Variants in TMEM71 observed in about 807,000 individuals in gnomAD.
The protein encoded by TMEM71 is transmembrane protein 71.
Under a neutral mutation model 38.0 loss-of-function variants are expected in TMEM71, and 44 were observed. The ratio of observed to expected loss-of-function variants is 1.16; its 90% CI spans 0.91 to 1.49. The LOEUF (loss-of-function observed/expected upper bound fraction) is 1.49. Ranked by LOEUF, TMEM71 falls within the 40% of genes most tolerant of loss-of-function variation. The pLI, the probability that TMEM71 is intolerant of heterozygous loss-of-function variation, is 0.00. For synonymous variants in TMEM71, 133 were observed against 122.5 expected, an observed-to-expected ratio of 1.09 and a Z score of -0.56; for missense variants, 367 against 348.6, an observed-to-expected ratio of 1.05 and a Z score of -0.42.
Position 132,752,001 on chromosome 8 carries a change from A to C in TMEM71, c.102-4T>G, listed in dbSNP as rs373196413. On this transcript the variant is annotated splice_polypyrimidine_tract_variant and splice_region_variant and intron_variant, in intron 3 of 9. Coordinates refer to ENST00000677595, the MANE Select transcript of TMEM71 (RefSeq NM_001382403.1). ...ATCCAGGGAATCACAGGTGAAACTA[A>C]GAAGGAAAAGATAACGCACTTTAAA... 5.0e-6 allele frequency: 8 copies of C among 1,612,960 alleles called. No individual in the cohort carries two copies. Among genetic ancestry groups the C allele is most frequent in the Non-Finnish European group, 6.8e-6 (8 of 1,179,180 alleles).
At chr8:132,752,779 A>AAG (rs1419342737) in intron 3 of TMEM71, among the ~76,000 whole-genome samples, 1 of 147,552 alleles carries the variant, frequency 6.8e-6, no homozygotes, top group Non-Finnish European at 1.5e-5. Context: ...AGAAAAAAAA[A>AAG]AGGGAGAGAG....
Position 132,746,948 on chromosome 8 carries a change from C to T in TMEM71, c.481G>A (p.Gly161Arg). 6.3e-7 allele frequency: 1 copy of T among 1,586,782 alleles called. No homozygotes were observed. Among genetic ancestry groups the T allele is most frequent in the Non-Finnish European group, 8.5e-7 (1 of 1,170,172 alleles). Residue 161 changes from glycine (G) to arginine (R), a missense_variant, in exon 5 of 10, where the codon GGA becomes AGA. Coordinates refer to ENST00000677595, the MANE Select transcript of TMEM71 (RefSeq NM_001382403.1). ...AAGGAGGACTCAAACTCACCATTTC[C>T]ATTGCAATGGTCTGTGTCCAACCTC... is the stretch of plus-strand genomic sequence containing the variant. ...TRRLDTDHCN[G>R]NADDLDCSSL...
At position 132,749,488 on chromosome 8, in the gene TMEM71, C is replaced by A. The variant is rs150600836; in HGVS notation, c.314+2297G>T. Reference sequence around the variant, plus strand: ...TAAGGTCTCCCCAGTGCAATGTGAGCAGAAGTGATCTGTACCATTTACGGG... The same window carrying A: ...TAAGGTCTCCCCAGTGCAATGTGAGAAGAAGTGATCTGTACCATTTACGGG... On this transcript the variant is annotated intron_variant, in intron 4 of 9. Transcript: ENST00000677595. Among the ~76,000 whole-genome samples, 74 of 152,308 alleles carry A rather than the reference C, an allele frequency of 4.9e-4. 1 individual carries two copies. The East Asian group carries it at 0.013, about 28-fold the overall frequency.
chr8:132,763,749 A>G (rs1464425641), upstream of TMEM71, among the ~76,000 whole-genome samples: 2 of 152,228 alleles, frequency 1.3e-5, no homozygotes, highest in Non-Finnish European at 2.9e-5. Flanking sequence ...CATGTGTTGC[A>G]AATGAATCAC....
intron 5 of TMEM71, among the ~76,000 whole-genome samples, chr8:132,731,530 C>T (rs564510093): frequency 3.3e-5 from 5 of 152,292 alleles, no homozygotes; most frequent in South Asian, 4.1e-4. Flanking sequence ...TTACTTGCCC[C>T]GACTTCACCA....
At chr8:132,711,280 C>T (rs370418750) in intron 9 of TMEM71, among the ~76,000 whole-genome samples, 23 of 152,284 alleles carry the variant, frequency 1.5e-4, no homozygotes, top group African/African-American at 5.1e-4. Flanking sequence ...GTTTCCTCTT[C>T]CCACCTGCCC....
At chr8:132,775,730 C>T in the TMEM71 span, 1 of 294,286 alleles carries the variant, frequency 3.4e-6, no homozygotes, top group African/African-American at 2.2e-5. Context: ...GTCTCTCTTT[C>T]CGGCCCGCTC....
At chr8:132,722,209 C>CA (rs34385955) in intron 6 of TMEM71, 94 bp from the exon 7 acceptor site, 58,776 of 613,690 alleles carry the variant, frequency 0.096, 344 homozygotes, top group African/African-American at 0.13. Flanking sequence ...TTGTACCCAC[C>CA]AAAAAAAAAA....
chr8:132,736,429 T>A (rs1827749053), intron 5 of TMEM71, among the ~76,000 whole-genome samples: 1 of 152,020 alleles, frequency 6.6e-6, no homozygotes, highest in Non-Finnish European at 1.5e-5. Context: ...GGGGAGATGT[T>A]GGTCAAAGGG....
chr8:132,738,670 T>C (rs1210129466), intron 5 of TMEM71, among the ~76,000 whole-genome samples: 1 of 152,178 alleles, frequency 6.6e-6, no homozygotes, highest in Non-Finnish European at 1.5e-5. Flanking sequence ...TTCAAATATC[T>C]ACAATTAATA....
intron 5 of TMEM71, among the ~76,000 whole-genome samples, chr8:132,742,219 A>G (rs1008681690): frequency 1.3e-5 from 2 of 152,242 alleles, no homozygotes; most frequent in Non-Finnish European, 2.9e-5. Context: ...TAAGATCTAT[A>G]TCTGGTATAA....
intron 7 of TMEM71, among the ~76,000 whole-genome samples, chr8:132,716,078 C>T (rs796684757): frequency 2.0e-5 from 3 of 152,168 alleles, no homozygotes; most frequent in Non-Finnish European, 2.9e-5. Flanking sequence ...CTGGAGGGGG[C>T]CCCGCCCTCC....
At chr8:132,736,129 T>C (rs1383425463) in intron 5 of TMEM71, among the ~76,000 whole-genome samples, 1 of 152,160 alleles carries the variant, frequency 6.6e-6, no homozygotes, top group East Asian at 1.9e-4. Context: ...AGAAGGATTG[T>C]AAGGGAATTG....
At chr8:132,775,679 C>T in the TMEM71 span, 255 of 331,408 alleles carry the variant, frequency 7.7e-4, 4 homozygotes, top group Admixed American at 0.011. Context: ...CGGCAGGCCG[C>T]CTGGCCCCCG....
At chr8:132,716,245 A>C (rs1826525774) in intron 7 of TMEM71, among the ~76,000 whole-genome samples, 1 of 152,202 alleles carries the variant, frequency 6.6e-6, no homozygotes, top group African/African-American at 2.4e-5. Flanking sequence ...TTCGGAGCAA[A>C]GTTGTGGCTA....
At chr8:132,717,635 T>G (rs1309637034) in intron 7 of TMEM71, among the ~76,000 whole-genome samples, 1 of 152,170 alleles carries the variant, frequency 6.6e-6, no homozygotes, top group East Asian at 1.9e-4. Context: ...CATACATTGC[T>G]GGTGGGGGTG....
chr8:132,733,306 T>C (rs1827563215), intron 5 of TMEM71, among the ~76,000 whole-genome samples: 1 of 152,140 alleles, frequency 6.6e-6, no homozygotes, highest in South Asian at 2.1e-4. Flanking sequence ...GAGAATTCGG[T>C]AAGGGGTAGG....
the TMEM71 span, chr8:132,775,369 C>A: frequency 1.1e-5 from 4 of 363,200 alleles, no homozygotes; most frequent in Admixed American, 4.7e-5. Context: ...CTGACGTCGC[C>A]GGGGCCCGGC....
At chr8:132,753,219 T>G (rs1167074884) in intron 3 of TMEM71, among the ~76,000 whole-genome samples, 1 of 151,846 alleles carries the variant, frequency 6.6e-6, no homozygotes, top group East Asian at 1.9e-4. Flanking sequence ...ATAAACTCAA[T>G]GCCAGTTACT....
Sources: allele counts gnomAD v4.1 joint callset (sites outside exome capture counted in the v4.1 genomes callset), GRCh38; gene constraint gnomAD v4.1.1; transcripts MANE v1.5; gene names NCBI Gene and HGNC (gene_info 2026-07-23, HGNC 2026-07-21).